The following FEM1B variants were observed in gnomAD, a reference collection of about 807,000 sequenced individuals.
The protein encoded by FEM1B is fem-1 homolog B.
FEM1B carries 10 observed loss-of-function variants against 38.6 expected under a neutral mutation model. The ratio of observed to expected loss-of-function variants is 0.26; its 90% CI spans 0.16 to 0.44. The LOEUF (loss-of-function observed/expected upper bound fraction) is 0.44. Among genes scored for constraint, FEM1B ranks in the 20% least tolerant of loss-of-function variants. The pLI is 1.00. For missense variants in FEM1B, 471 were observed against 786.7 expected, an observed-to-expected ratio of 0.60 and a Z score of 4.80; for synonymous variants, 288 against 288.0, an observed-to-expected ratio of 1.00 and a Z score of 0.00.
chr15:68,283,078 T>C (rs540859120), intron 1 of FEM1B, among the ~76,000 whole-genome samples: 1 of 152,282 alleles, frequency 6.6e-6, no homozygotes, highest in South Asian at 2.1e-4. Flanking sequence ...AAAATGGAAA[T>C]TATTAGACTA....
In FEM1B at chr15:68,290,651, T is replaced by C. The variant is rs1158366943; in HGVS notation, c.1293T>C (p.Ala431=). The part of the protein sequence containing the change: ...SMNRVKNISD[A]DVHNAMDNYE... ...ACAGAGTGAAAAATATTTCAGATGC[T>C]GATGTCCACAATGCTATGGACAATT... The change falls in exon 2 of 2, where the codon GCT becomes GCC. Residue 431 remains alanine, a synonymous_variant. Transcript: ENST00000306917. The surrounding 1 kb of genome is among the most constrained non-coding windows in gnomAD (Gnocchi z 9.7). 1 of 1,613,156 alleles carries C rather than the reference T, an allele frequency of 6.2e-7. No homozygotes were observed. Among genetic ancestry groups the C allele is most frequent in the African/African-American group, 1.3e-5 (1 of 74,938 alleles).
In FEM1B at chr15:68,280,944, A is replaced by C. The variant is rs973544056; in HGVS notation, c.248+2279A>C. ...TCTGGAGGAAATGTAAGGTACAGGA[A>C]ATCTAAGGTTTCTACTTTTGAGAAG... On this transcript the variant is annotated intron_variant, in intron 1 of 1. Coordinates refer to ENST00000306917, the MANE Select transcript of FEM1B (RefSeq NM_015322.5). The surrounding 1 kb of genome is among the most constrained non-coding windows in gnomAD (Gnocchi z 4.2). Among the ~76,000 whole-genome samples, 2 of 152,236 alleles carry C rather than the reference A, an allele frequency of 1.3e-5. No homozygotes were observed. The highest frequency in any genetic ancestry group is 6.5e-5 in the Admixed American group (1 of 15,284).
In FEM1B at chr15:68,288,827, TAGAG is replaced by T. The variant is rs1398148438; in HGVS notation, c.249-778_249-775del. Among the ~76,000 whole-genome samples, 1 of 152,190 alleles carries T rather than the reference TAGAG, an allele frequency of 6.6e-6. No individual in the cohort carries two copies. The highest frequency in any genetic ancestry group is 1.5e-5 in the Non-Finnish European group (1 of 68,030). On this transcript the variant is annotated intron_variant, in intron 1 of 1. Coordinates refer to ENST00000306917, the MANE Select transcript of FEM1B (RefSeq NM_015322.5). This position sits in a 1 kb window ranked among gnomAD's most constrained non-coding sequence, Gnocchi z 4.6. The stretch of plus-strand genomic sequence containing the variant: ...TTTTAAATTGGAGCATAACGTAACT[TAGAG>T]AAAAATGCACTAATTATAAATATAT...
At position 68,291,223 on chromosome 15, in the gene FEM1B, A is replaced by C; in HGVS notation, c.1865A>C (p.Glu622Ala). The change falls in exon 2 of 2, where the codon GAG (glutamate) becomes GCG (alanine). Residue 622 changes from glutamate (E) to alanine (A), a missense_variant. This residue lies in a region of FEM1B where 380 missense variants were observed against 599.6 expected (regional missense o/e 0.63). Transcript: ENST00000306917. This position sits in a 1 kb window ranked among gnomAD's most constrained non-coding sequence, Gnocchi z 6.9. The part of the protein sequence containing the change: ...YQDQIPRTLE[E>A]FVGFH ...GACCAGATCCCCAGAACTCTTGAAG[A>C]GTTTGTTGGATTTCATTAAGTGACT... The C allele has an allele frequency of 1.0e-5, 16 of 1,589,576 alleles. No individual in the cohort carries two copies. The highest frequency in any genetic ancestry group is 1.4e-5 in the Non-Finnish European group (16 of 1,170,548).
At position 68,283,671 on chromosome 15, in the gene FEM1B, TCAAAA is replaced by T. The variant is rs769480659; in HGVS notation, c.248+5021_248+5025del. Among the ~76,000 whole-genome samples the T allele has an allele frequency of 1.3e-4, 20 of 152,190 alleles. No individual in the cohort carries two copies. In the East Asian group the frequency reaches 3.1e-3, roughly 23 times the overall value. On this transcript the variant is annotated intron_variant, in intron 1 of 1. Coordinates refer to ENST00000306917, the MANE Select transcript of FEM1B (RefSeq NM_015322.5). ...CGGTACAACAGAGCAAGACCCTGTT[TCAAAA>T]CAAAACAAAACAAATCCAGTGGAAG...
Position 68,281,847 on chromosome 15 carries a change from C to G in FEM1B, c.248+3182C>G, listed in dbSNP as rs569128260. 2.4e-4 allele frequency among the ~76,000 whole-genome samples: 36 copies of G among 152,314 alleles called. No homozygotes were observed. The highest frequency in any genetic ancestry group is 8.7e-4 in the African/African-American group (36 of 41,578). On this transcript the variant is annotated intron_variant, in intron 1 of 1. Coordinates refer to ENST00000306917, the MANE Select transcript of FEM1B (RefSeq NM_015322.5). The surrounding 1 kb of genome is among the most constrained non-coding windows in gnomAD (Gnocchi z 5.1). ...GCCAGGATGGTCTCGATCTCCTGAC[C>G]TCGTGATCCGCATGCCTCGGCCTCC... is the stretch of plus-strand genomic sequence containing the variant.
rs1892770085 is a variant in FEM1B, at chr15:68,284,958, C to CT, written c.249-4648dup. On this transcript the variant is annotated intron_variant, in intron 1 of 1. Transcript: ENST00000306917. This position sits in a 1 kb window ranked among gnomAD's most constrained non-coding sequence, Gnocchi z 4.4. ...TTGCCTTCTGCCATGATTGTGAAGC[C>CT]TCCCCACCCATGTGGAACTGTAAGT... 6.6e-6 allele frequency among the ~76,000 whole-genome samples: 1 copy of CT among 152,220 alleles called. No homozygotes were observed. The highest frequency in any genetic ancestry group is 1.5e-5 in the Non-Finnish European group (1 of 68,042).
In FEM1B at chr15:68,284,675, T is replaced by G. The variant is rs867378677; in HGVS notation, c.249-4932T>G. 6.6e-5 allele frequency among the ~76,000 whole-genome samples: 10 copies of G among 152,356 alleles called. No homozygotes were observed. The South Asian group carries it at 1.2e-3, about 19-fold the overall frequency. On this transcript the variant is annotated intron_variant, in intron 1 of 1. Coordinates refer to ENST00000306917, the MANE Select transcript of FEM1B (RefSeq NM_015322.5). This position sits in a 1 kb window ranked among gnomAD's most constrained non-coding sequence, Gnocchi z 4.4. ...GTTTCCCTTGTGCCCCTTCTCAGTT[T>G]CCTCCCTTTCCTTGCCAGAGGTAAT...
At position 68,288,871 on chromosome 15, in the gene FEM1B, G is replaced by C. The variant is rs1892816862; in HGVS notation, c.249-736G>C. On this transcript the variant is annotated intron_variant, in intron 1 of 1. Coordinates refer to ENST00000306917, the MANE Select transcript of FEM1B (RefSeq NM_015322.5). The surrounding 1 kb of genome is among the most constrained non-coding windows in gnomAD (Gnocchi z 4.6). ...TATAAATATATAAAAATTTCACAAA[G>C]TGAACATATTTGTTTACTAGAGTCC... Among the ~76,000 whole-genome samples the C allele has an allele frequency of 6.6e-6, 1 of 152,100 alleles. No individual in the cohort carries two copies. Among genetic ancestry groups the C allele is most frequent in the South Asian group, 2.1e-4 (1 of 4,820 alleles).
rs113550016 is a variant in FEM1B at position 68,281,624 on chromosome 15, CT to C, written c.248+2970del. On this transcript the variant is annotated intron_variant, in intron 1 of 1. Transcript: ENST00000306917. This position sits in a 1 kb window ranked among gnomAD's most constrained non-coding sequence, Gnocchi z 5.1. ...CCATTGATATTTGAGTTCTTGTTCA[CT>C]TTTTTTTTTTGAGACGGAGTCTCGC... 0.011 allele frequency among the ~76,000 whole-genome samples: 1,699 copies of C among 148,348 alleles called. 41 individuals are homozygous for C. The highest frequency in any genetic ancestry group is 0.04 in the African/African-American group (1,612 of 40,798).
In FEM1B at chr15:68,290,250, C is replaced by T. The variant is rs925438117; in HGVS notation, c.892C>T (p.Pro298Ser). The change falls in exon 2 of 2, where the codon CCA (proline) becomes TCA (serine). Residue 298 changes from proline to serine, a missense_variant. Pro to Ser is a moderately conservative substitution (Grantham distance 74). Around this residue, in one of 3 missense-constraint regions of FEM1B, gnomAD observed 380 missense variants for 599.6 expected, o/e 0.63. Coordinates refer to ENST00000306917, the MANE Select transcript of FEM1B (RefSeq NM_015322.5). The surrounding 1 kb of genome is among the most constrained non-coding windows in gnomAD (Gnocchi z 9.7). ...CATTCTCGAAAAAGAGGTTCTTCCACCAATCCATGCTTATGGGAATAGAAC... is the reference window on the plus strand; with the variant it reads ...CATTCTCGAAAAAGAGGTTCTTCCATCAATCCATGCTTATGGGAATAGAAC... The part of the protein sequence containing the change: ...DNILEKEVLP[P>S]IHAYGNRTEC... The T allele has an allele frequency of 7.4e-6, 12 of 1,614,074 alleles. No homozygotes were observed. The highest frequency in any genetic ancestry group is 1.0e-5 in the Non-Finnish European group (12 of 1,180,032).
rs1213229594 is a variant in FEM1B at position 68,278,371 on chromosome 15, C to G, written c.-47C>G. The G allele has an allele frequency of 6.3e-7, 1 of 1,578,766 alleles. No homozygotes were observed. Among genetic ancestry groups the G allele is most frequent in the Non-Finnish European group, 8.6e-7 (1 of 1,161,744 alleles). On this transcript the variant is annotated 5_prime_UTR_variant, in exon 1 of 2. Transcript: ENST00000306917. This position sits in a 1 kb window ranked among gnomAD's most constrained non-coding sequence, Gnocchi z 5.7. The stretch of plus-strand genomic sequence containing the variant: ...GAACGCGGCCTCCGGGGGCGCACGG[C>G]AGCTGCAGCGGTGGCGACCAAACGG...
rs545685577 is a variant in FEM1B at position 68,288,715 on chromosome 15, T to C, written c.249-892T>C. 6.6e-6 allele frequency among the ~76,000 whole-genome samples: 1 copy of C among 152,318 alleles called. No homozygotes were observed. Among genetic ancestry groups the C allele is most frequent in the South Asian group, 2.1e-4 (1 of 4,826 alleles). On this transcript the variant is annotated intron_variant, in intron 1 of 1. Transcript: ENST00000306917. The surrounding 1 kb of genome is among the most constrained non-coding windows in gnomAD (Gnocchi z 4.6). ...TCCAAAAGTGCTAATTATTTCCTGC[T>C]GTTAGTATTTTTTTCCTGTAGTGGT...
chr15:68,286,106 T>G (rs1396616961), intron 1 of FEM1B, among the ~76,000 whole-genome samples: 2 of 151,972 alleles, frequency 1.3e-5, no homozygotes, highest in Non-Finnish European at 2.9e-5. Context: ...CCATATAGAT[T>G]ATCTTGTTGC....
chr15:68,285,003 T>C (rs1330648082), intron 1 of FEM1B, among the ~76,000 whole-genome samples: 1 of 152,250 alleles, frequency 6.6e-6, no homozygotes, highest in Non-Finnish European at 1.5e-5. Flanking sequence ...CTCTTTCTTT[T>C]GTAAGTTGCC....
chr15:68,278,519 T>C lies in FEM1B; in HGVS notation c.102T>C (p.Tyr34=). The C allele has an allele frequency of 1.2e-6, 2 of 1,614,084 alleles. No homozygotes were observed. Among genetic ancestry groups the C allele is most frequent in the Non-Finnish European group, 1.7e-6 (2 of 1,180,034 alleles). ...ACCGGTCTGAAAGCGACATCCGCTA[T>C]CTGCTTGGCTATGTCAGCCAGCAGG... The part of the protein sequence containing the change: ...LLNRSESDIR[Y]LLGYVSQQGG... The change falls in exon 1 of 2, where the codon TAT becomes TAC. Residue 34 remains tyrosine (Y), a synonymous_variant. Transcript: ENST00000306917. The surrounding 1 kb of genome is among the most constrained non-coding windows in gnomAD (Gnocchi z 5.7).
In FEM1B at chr15:68,288,468, C is replaced by T. The variant is rs1356885939; in HGVS notation, c.249-1139C>T. ...TGCTTCTAGCACAGTAGACTGTCTCCAGCAAAAATCTACTTATCAGGTCTT... is the reference window on the plus strand; with the variant it reads ...TGCTTCTAGCACAGTAGACTGTCTCTAGCAAAAATCTACTTATCAGGTCTT... On this transcript the variant is annotated intron_variant, in intron 1 of 1. Coordinates refer to ENST00000306917, the MANE Select transcript of FEM1B (RefSeq NM_015322.5). The surrounding 1 kb of genome is among the most constrained non-coding windows in gnomAD (Gnocchi z 4.6). Among the ~76,000 whole-genome samples, 4 of 152,152 alleles carry T rather than the reference C, an allele frequency of 2.6e-5. No individual in the cohort carries two copies. The highest frequency in any genetic ancestry group is 9.7e-5 in the African/African-American group (4 of 41,418).
chr15:68,287,089 C>T (rs1175055616), intron 1 of FEM1B, among the ~76,000 whole-genome samples: 1 of 152,188 alleles, frequency 6.6e-6, no homozygotes, highest in Non-Finnish European at 1.5e-5. Context: ...CGGGGTTTCA[C>T]CATGTTGGCC....
In FEM1B at chr15:68,284,837, G is replaced by A. The variant is rs1017611651; in HGVS notation, c.249-4770G>A. 6.6e-6 allele frequency among the ~76,000 whole-genome samples: 1 copy of A among 152,200 alleles called. No individual in the cohort carries two copies. The highest frequency in any genetic ancestry group is 2.4e-5 in the African/African-American group (1 of 41,458). On this transcript the variant is annotated intron_variant, in intron 1 of 1. Transcript: ENST00000306917. This position sits in a 1 kb window ranked among gnomAD's most constrained non-coding sequence, Gnocchi z 4.4. ...TCTTTCCCGTGCTGTTCTCTTGATA[G>A]TAAGTGTCACGGGATCTGATGATTG...
Sources: gnomAD v4.1 joint callset for allele counts (sites outside exome capture counted in the v4.1 genomes callset) on GRCh38, gnomAD v4.1.1 for gene constraint, gnomAD v4.1.1 regional missense constraint, Gnocchi (gnomAD v3.1) non-coding constraint, MANE v1.5 for transcripts, NCBI Gene and HGNC (gene_info 2026-07-23, HGNC 2026-07-21) for gene names.